Variants in ZC3H8 observed in about 807,000 individuals in gnomAD.
ZC3H8 encodes the protein zinc finger CCCH domain-containing protein 8.
ZC3H8 carries 27 observed loss-of-function variants against 42.5 expected under a neutral mutation model. The observed-to-expected ratio is 0.64, with a 90% CI of 0.47 to 0.88. ZC3H8 has a LOEUF of 0.88. Ranked by LOEUF, ZC3H8 falls within the 40% of genes least tolerant of loss-of-function variation. ZC3H8 has a pLI of 0.00. For missense variants in ZC3H8, 277 were observed against 336.1 expected (o/e 0.82, Z 1.37); for synonymous variants, 101 against 110.1 (o/e 0.92, Z 0.52).
At chr2:112,235,164 TAC>T (rs1056685877) in intron 4 of ZC3H8, among the ~76,000 whole-genome samples, 4 of 152,282 alleles carry the variant, frequency 2.6e-5, no homozygotes, top group East Asian at 1.9e-4. Flanking sequence ...AATTTTTGCA[TAC>T]AGTTTTAGGA....
At chr2:112,231,118 C>G (rs951882733) in intron 7 of ZC3H8, among the ~76,000 whole-genome samples, 168 bp from the exon 8 acceptor site, 2 of 152,046 alleles carry the variant, frequency 1.3e-5, no homozygotes, top group African/African-American at 4.8e-5. Flanking sequence ...ATATATATCA[C>G]TTTTCCATAT....
At position 112,230,968 on chromosome 2, in the gene ZC3H8, T is replaced by A; in HGVS notation, c.844-18A>T. 1.7e-6 allele frequency: 2 copies of A among 1,208,062 alleles called. No individual in the cohort carries two copies. The highest frequency in any genetic ancestry group is 2.2e-6 in the Non-Finnish European group (2 of 915,182). The allele number at this position is 1,208,062 out of a possible 1,614,324, so 74.8% of individuals were successfully genotyped here. ...TCCAAAACCTAATATAAAAAAAAAA[T>A]CACATAATCATTTTTATGCATTCAT... On this transcript the variant is annotated intron_variant, in intron 7 of 8. Transcript: ENST00000409573.
chr2:112,238,447 CATT>C lies in ZC3H8; in HGVS notation c.235_237del (p.Asn79del). ...TCTTCTGATTCCTGACTGCAGATAT[CATT>C]ATCACTATATACATCATAGTCCTTA... On this transcript the variant is annotated inframe_deletion, in exon 3 of 9. Coordinates refer to ENST00000409573, the MANE Select transcript of ZC3H8 (RefSeq NM_032494.3). The C allele has an allele frequency of 6.2e-7, 1 of 1,613,450 alleles. No individual in the cohort carries two copies. The highest frequency in any genetic ancestry group is 8.5e-7 in the Non-Finnish European group (1 of 1,179,858).
At position 112,252,309 on chromosome 2, in the gene ZC3H8, T is replaced by C. The variant is rs557482712; in HGVS notation, c.75-2037A>G. 1.3e-4 allele frequency among the ~76,000 whole-genome samples: 20 copies of C among 152,230 alleles called. No individual in the cohort carries two copies. The South Asian group carries it at 4.2e-3, about 32-fold the overall frequency. The stretch of plus-strand genomic sequence containing the variant: ...AACGGCAACACCATCCCTCTCAAGA[T>C]CCCTACCAAAACCTTAAAGTCAATC... On this transcript the variant is annotated intron_variant, in intron 1 of 8. Coordinates refer to ENST00000409573, the MANE Select transcript of ZC3H8 (RefSeq NM_032494.3).
chr2:112,224,233 G>A (rs1303841851), intron 8 of ZC3H8, among the ~76,000 whole-genome samples: 1 of 152,162 alleles, frequency 6.6e-6, no homozygotes, highest in Non-Finnish European at 1.5e-5. Context: ...GAACGTAAGG[G>A]TGGTTTAGTA....
intron 2 of ZC3H8, among the ~76,000 whole-genome samples, chr2:112,247,588 TAA>T (rs1164995595): frequency 2.6e-5 from 4 of 152,108 alleles, no homozygotes; most frequent in African/African-American, 9.7e-5. Flanking sequence ...CAAAAATAAA[TAA>T]GTTAATTAAT....
chr2:112,227,527 A>C (rs935577947), intron 8 of ZC3H8, among the ~76,000 whole-genome samples: 1 of 152,254 alleles, frequency 6.6e-6, no homozygotes, highest in African/African-American at 2.4e-5. Context: ...ACTTTGTCTC[A>C]AAAAACAAAG....
chr2:112,242,114 C>G (rs1321230252), intron 2 of ZC3H8, among the ~76,000 whole-genome samples: 1 of 152,136 alleles, frequency 6.6e-6, no homozygotes, highest in African/African-American at 2.4e-5. Context: ...CTGGGCCTTT[C>G]TTAAATGAAT....
At chr2:112,224,965 G>GT (rs764253539) in intron 8 of ZC3H8, among the ~76,000 whole-genome samples, 2 of 152,154 alleles carry the variant, frequency 1.3e-5, no homozygotes, top group Non-Finnish European at 2.9e-5. Flanking sequence ...TAGATCTTCA[G>GT]TGTCTCTCGG....
intron 2 of ZC3H8, among the ~76,000 whole-genome samples, chr2:112,243,960 A>C (rs1038136697): frequency 6.6e-6 from 1 of 151,880 alleles, no homozygotes; most frequent in Non-Finnish European, 1.5e-5. Flanking sequence ...GATCTTAGTT[A>C]AATTGTAATT....
chr2:112,230,702 C>G lies in ZC3H8; in HGVS notation c.*15+201G>C, dbSNP rs563049558. 1.0e-4 allele frequency: 25 copies of G among 239,000 alleles called. 1 individual carries two copies. In the South Asian group the frequency reaches 1.7e-3, roughly 16 times the overall value. 14.8% of individuals were successfully genotyped at this position (239,000 alleles called of 1,614,324 possible). On this transcript the variant is annotated intron_variant, in intron 8 of 8. Transcript: ENST00000409573. ...AACACAAGAGGAGAATAAAAATATA[C>G]CTGATAGACAAGCCCACACAAGGAA... is the stretch of plus-strand genomic sequence containing the variant.
At chr2:112,227,441 C>A (rs1684891207) in intron 8 of ZC3H8, among the ~76,000 whole-genome samples, 1 of 152,216 alleles carries the variant, frequency 6.6e-6, no homozygotes, top group Admixed American at 6.5e-5. Flanking sequence ...AGGAGAATCA[C>A]CTGAACCCGC....
At chr2:112,237,475 T>C (rs1441435582) in intron 3 of ZC3H8, among the ~76,000 whole-genome samples, 1 of 152,190 alleles carries the variant, frequency 6.6e-6, no homozygotes, top group African/African-American at 2.4e-5. Context: ...TATCCTGCAA[T>C]GGCATAATCA....
intron 2 of ZC3H8, among the ~76,000 whole-genome samples, chr2:112,246,477 C>T (rs1196279686): frequency 1.3e-5 from 2 of 152,008 alleles, no homozygotes; most frequent in East Asian, 3.9e-4. Context: ...CAAATATCAA[C>T]AATAACAGGA....
At chr2:112,247,968 C>T (rs1573925643) in intron 2 of ZC3H8, among the ~76,000 whole-genome samples, 1 of 152,228 alleles carries the variant, frequency 6.6e-6, no homozygotes, top group Non-Finnish European at 1.5e-5. Context: ...ACTTGGGTAG[C>T]TGAGAGGCTT....
At chr2:112,242,619 T>C (rs1685623731) in intron 2 of ZC3H8, among the ~76,000 whole-genome samples, 1 of 152,224 alleles carries the variant, frequency 6.6e-6, no homozygotes, top group Non-Finnish European at 1.5e-5. Flanking sequence ...TGGATTATTA[T>C]ACTGTCAAGT....
chr2:112,248,514 G>T (rs544070410), intron 2 of ZC3H8, among the ~76,000 whole-genome samples: 1 of 151,716 alleles, frequency 6.6e-6, no homozygotes, highest in South Asian at 2.1e-4. Flanking sequence ...TTTTGAGATG[G>T]AATTTTGCTC....
At chr2:112,240,328 A>G (rs193237581) in intron 2 of ZC3H8, 2 of 152,274 alleles carry the variant, frequency 1.3e-5, no homozygotes, top group African/African-American at 4.8e-5. Flanking sequence ...CTGATCCTTT[A>G]TGAAAAGGTT....
intron 4 of ZC3H8, 55 bp from the exon 5 acceptor site, chr2:112,234,291 T>G (rs1685222287): frequency 2.2e-6 from 3 of 1,334,742 alleles, no homozygotes. Flanking sequence ...TTAAATATTT[T>G]ATTCTGTTGC....
Sources: allele counts gnomAD v4.1 joint callset (sites outside exome capture counted in the v4.1 genomes callset), GRCh38; gene constraint gnomAD v4.1.1; transcripts MANE v1.5; gene names NCBI Gene and HGNC (gene_info 2026-07-23, HGNC 2026-07-21).